The following CSMD1 variants were observed in gnomAD, a reference collection of about 807,000 sequenced individuals.
CSMD1 encodes CUB and Sushi multiple domains 1.
In CSMD1, 213 loss-of-function variants were observed where a neutral mutation model predicts 417.5. That is an observed-to-expected ratio of 0.51 (90% confidence interval 0.46 to 0.57). The LOEUF (loss-of-function observed/expected upper bound fraction) is 0.57, where lower values mean the gene tolerates loss of function less well. CSMD1 is among the 20% of genes least tolerant of loss of function. The probability of loss-of-function intolerance (pLI) is 0.00; values close to 1 mark genes in which losing one functional copy is unlikely to be tolerated. For missense variants in CSMD1, 6,923 were observed against 4,529.7 expected (o/e 1.53, Z -15.17); for synonymous variants, 2,862 against 1,736.8 (o/e 1.65, Z -16.11).
intron 3 of CSMD1, among the ~76,000 whole-genome samples, chr8:4,235,207 T>C (rs1365766663): frequency 6.6e-6 from 1 of 152,132 alleles, no homozygotes; most frequent in Non-Finnish European, 1.5e-5. Flanking sequence ...AACTCAAGAA[T>C]GGACCAAGGG....
chr8:3,703,344 G>A (rs2129037815), intron 7 of CSMD1, among the ~76,000 whole-genome samples: 1 of 152,246 alleles, frequency 6.6e-6, no homozygotes, highest in South Asian at 2.1e-4. Flanking sequence ...GGTTCCCAAA[G>A]CAAAATTCAC....
In CSMD1 at chr8:3,396,234, G is replaced by A; in HGVS notation, c.2553C>T (p.Asp851=). 6.4e-7 allele frequency: 1 copy of A among 1,573,820 alleles called. No individual in the cohort carries two copies. The highest frequency in any genetic ancestry group is 8.6e-7 in the Non-Finnish European group (1 of 1,159,568). The change falls in exon 17 of 70, where the codon GAC becomes GAT. Residue 851 remains aspartate (D), a synonymous_variant. Coordinates refer to ENST00000635120, the MANE Select transcript of CSMD1 (RefSeq NM_033225.6). Reference sequence around the variant, plus strand: ...GGAAGCCGATGCTGGAGCGGCTGTTGTCAGTGGTGAACAGCAGGTACATGA... The same window carrying A: ...GGAAGCCGATGCTGGAGCGGCTGTTATCAGTGGTGAACAGCAGGTACATGA... The part of the protein sequence containing the change: ...GNFMYLLFTT[D]NSRSSIGFLI...
chr8:3,084,206 G>T (rs919455716), intron 49 of CSMD1, among the ~76,000 whole-genome samples: 1 of 152,070 alleles, frequency 6.6e-6, no homozygotes, highest in African/African-American at 2.4e-5. Context: ...ACAACTTAGG[G>T]AAGTATATAC....
intron 1 of CSMD1, among the ~76,000 whole-genome samples, chr8:4,841,383 G>C (rs1488189355): frequency 1.3e-5 from 2 of 152,150 alleles, no homozygotes; most frequent in Admixed American, 1.3e-4. Context: ...CTTGAAGGCA[G>C]GGACCACACC....
chr8:4,312,713 C>G (rs1408621222), intron 3 of CSMD1, among the ~76,000 whole-genome samples: 2 of 151,830 alleles, frequency 1.3e-5, no homozygotes, highest in African/African-American at 4.8e-5. Context: ...CCCATTTCTA[C>G]TAACGAAAAA....
At chr8:4,057,351 A>G (rs993534608) in intron 3 of CSMD1, among the ~76,000 whole-genome samples, 1 of 151,984 alleles carries the variant, frequency 6.6e-6, no homozygotes, top group African/African-American at 2.4e-5. Flanking sequence ...GTGTCTGTTC[A>G]TGTCCTTCGC....
chr8:4,925,769 A>G (rs1453660889), intron 1 of CSMD1, among the ~76,000 whole-genome samples: 2 of 152,016 alleles, frequency 1.3e-5, no homozygotes, highest in Non-Finnish European at 2.9e-5. Flanking sequence ...GGATGGTCTC[A>G]AACTCCTGAC....
At chr8:4,749,035 T>C (rs1256356525) in intron 1 of CSMD1, among the ~76,000 whole-genome samples, 2 of 148,188 alleles carry the variant, frequency 1.3e-5, no homozygotes, top group Admixed American at 6.6e-5. Flanking sequence ...GACCCAAAAC[T>C]GTGTGTGTGT....
intron 5 of CSMD1, among the ~76,000 whole-genome samples, chr8:3,823,836 A>T (rs944488432): frequency 2.0e-5 from 3 of 152,204 alleles, no homozygotes; most frequent in Admixed American, 6.5e-5. Flanking sequence ...ATGGTAATTT[A>T]AAAAATTTTT....
intron 3 of CSMD1, among the ~76,000 whole-genome samples, chr8:4,186,377 G>C (rs143140719): frequency 3.9e-5 from 6 of 152,110 alleles, no homozygotes; most frequent in African/African-American, 9.7e-5. Context: ...GTTGAATGCA[G>C]CATCTCTGCT....
At chr8:4,235,517 T>C (rs1418311183) in intron 3 of CSMD1, among the ~76,000 whole-genome samples, 2 of 152,172 alleles carry the variant, frequency 1.3e-5, no homozygotes, top group East Asian at 3.9e-4. Flanking sequence ...TTCTAAGTAA[T>C]GGTACATACA....
chr8:4,072,094 C>CA (rs969503667), intron 3 of CSMD1, among the ~76,000 whole-genome samples: 3 of 152,034 alleles, frequency 2.0e-5, no homozygotes, highest in Non-Finnish European at 2.9e-5. Flanking sequence ...ACCTGAAAAT[C>CA]AAAAAATGGA....
Position 4,595,030 on chromosome 8 carries a change from T to C in CSMD1, c.302+42312A>G, listed in dbSNP as rs537293026. ...GATCTGGAATATACTGGATTCCTTG[T>C]TGTATGTCACTAACAAACCTTAGAG... On this transcript the variant is annotated intron_variant, in intron 2 of 69. Coordinates refer to ENST00000635120, the MANE Select transcript of CSMD1 (RefSeq NM_033225.6). 4.6e-5 allele frequency among the ~76,000 whole-genome samples: 7 copies of C among 152,328 alleles called. No individual in the cohort carries two copies. In the East Asian group the frequency reaches 1.2e-3, roughly 25 times the overall value.
Position 3,110,234 on chromosome 8 carries a change from C to T in CSMD1, c.6532G>A (p.Val2178Met), listed in dbSNP as rs1322396455. 7.4e-6 allele frequency: 12 copies of T among 1,613,082 alleles called. No homozygotes were observed. The highest frequency in any genetic ancestry group is 1.0e-5 in the Non-Finnish European group (12 of 1,179,622). Reference sequence around the variant, plus strand: ...ATGTAAACTCCGTGCCCTGGAGGCACCGTGATGAGCCAAATGCAGTCCTTC... The same window carrying T: ...ATGTAAACTCCGTGCCCTGGAGGCATCGTGATGAGCCAAATGCAGTCCTTC... The part of the protein sequence containing the change: ...ILKDCIWLIT[V>M]PPGHGVYINF... The change falls in exon 43 of 70, where the codon GTG (valine) becomes ATG (methionine). Residue 2178 changes from valine to methionine, a missense_variant. Transcript: ENST00000635120.
chr8:3,128,838 G>C (rs888962300), intron 41 of CSMD1: 3 of 449,718 alleles, frequency 6.7e-6, no homozygotes, highest in South Asian at 1.6e-5. Context: ...TCTTCTCCTT[G>C]ACATCTGGCT....
intron 25 of CSMD1, among the ~76,000 whole-genome samples, chr8:3,297,230 A>G (rs183096625): frequency 6.6e-6 from 1 of 152,342 alleles, no homozygotes; most frequent in East Asian, 1.9e-4. Flanking sequence ...GTTCAGTATT[A>G]TAAAAGATGT....
At chr8:4,583,709 TG>T (rs1225237264) in intron 2 of CSMD1, among the ~76,000 whole-genome samples, 2 of 152,080 alleles carry the variant, frequency 1.3e-5, no homozygotes, top group African/African-American at 4.8e-5. Context: ...GCTCAGGCAT[TG>T]TAAACACACC....
At chr8:4,053,796 G>C (rs551606497) in intron 3 of CSMD1, among the ~76,000 whole-genome samples, 1 of 152,184 alleles carries the variant, frequency 6.6e-6, no homozygotes, top group Admixed American at 6.5e-5. Flanking sequence ...AAACCAGTAT[G>C]TTTAAATGCC....
chr8:3,953,017 T>C (rs1371243074), intron 5 of CSMD1, among the ~76,000 whole-genome samples: 1 of 151,734 alleles, frequency 6.6e-6, no homozygotes, highest in African/African-American at 2.4e-5. Flanking sequence ...AAAAAATACA[T>C]GAGAAGGTTT....
Sources: gnomAD v4.1 joint callset for allele counts (sites outside exome capture counted in the v4.1 genomes callset) on GRCh38, gnomAD v4.1.1 for gene constraint, MANE v1.5 for transcripts, NCBI Gene and HGNC (gene_info 2026-07-23, HGNC 2026-07-21) for gene names.